Variants in ACSBG2 observed in about 807,000 individuals in gnomAD.
ACSBG2 encodes acyl-CoA synthetase bubblegum family member 2, also known as long-chain-fatty-acid--CoA ligase ACSBG2.
Under a neutral mutation model 74.7 loss-of-function variants are expected in ACSBG2, and 62 were observed. The ratio of observed to expected loss-of-function variants is 0.83; its 90% CI spans 0.68 to 1.03. ACSBG2 has a LOEUF of 1.03. Among genes scored for constraint, ACSBG2 ranks in the 50% least tolerant of loss-of-function variants. The probability of loss-of-function intolerance (pLI) is 0.00; values close to 1 mark genes in which losing one functional copy is unlikely to be tolerated. For missense variants in ACSBG2, 730 were observed against 817.6 expected, an observed-to-expected ratio of 0.89 and a Z score of 1.31; for synonymous variants, 309 against 294.1, an observed-to-expected ratio of 1.05 and a Z score of -0.52.
intron 3 of ACSBG2, among the ~76,000 whole-genome samples, chr19:6,149,504 C>A (rs1279319505): frequency 7.8e-6 from 1 of 127,938 alleles, no homozygotes; most frequent in African/African-American, 3.0e-5. Context: ...ACATGTGCAA[C>A]TTTTTTTTTT....
chr19:6,151,101 G>A (rs557280631), intron 3 of ACSBG2, among the ~76,000 whole-genome samples: 5 of 143,922 alleles, frequency 3.5e-5, no homozygotes, highest in African/African-American at 1.0e-4. Flanking sequence ...GCAACAGAGT[G>A]AGACTCTGTC....
In ACSBG2 at chr19:6,183,179, T is replaced by C. The variant is rs1240400256; in HGVS notation, c.1229T>C (p.Leu410Pro). The C allele has an allele frequency of 1.2e-6, 2 of 1,614,118 alleles. No homozygotes were observed. The highest frequency in any genetic ancestry group is 2.2e-5 in the East Asian group (1 of 44,896). Residue 410 changes from leucine to proline, a missense_variant, in exon 10 of 15, where the codon CTA (leucine) becomes CCA (proline). Transcript: ENST00000588485. ...AACCAAGAGACTGCCGAGTTCTTTC[T>C]AAGCTTGGACATACCTATAGGCGAG... is the stretch of plus-strand genomic sequence containing the variant. The part of the protein sequence containing the change: ...PLNQETAEFF[L>P]SLDIPIGELY...
intron 1 of ACSBG2, among the ~76,000 whole-genome samples, chr19:6,140,414 T>C (rs1289326846): frequency 6.6e-6 from 1 of 152,132 alleles, no homozygotes; most frequent in Non-Finnish European, 1.5e-5. Context: ...GCGCAATGGC[T>C]TACGCCTGTA....
At chr19:6,164,219 C>T (rs1025372917) in intron 6 of ACSBG2, among the ~76,000 whole-genome samples, 2 of 152,108 alleles carry the variant, frequency 1.3e-5, no homozygotes, top group Admixed American at 1.3e-4. Flanking sequence ...GGTCTTCTAC[C>T]GGCCTTTGAA....
At chr19:6,150,281 G>C (rs983485275) in intron 3 of ACSBG2, among the ~76,000 whole-genome samples, 2 of 112,116 alleles carry the variant, frequency 1.8e-5, no homozygotes, top group African/African-American at 3.4e-5. Context: ...TCTAAAAAAA[G>C]AAAAAATGTA....
intron 2 of ACSBG2, among the ~76,000 whole-genome samples, chr19:6,144,472 C>T (rs1209310123): frequency 2.0e-5 from 3 of 152,154 alleles, no homozygotes; most frequent in Admixed American, 6.5e-5. Flanking sequence ...CAAGGATTGC[C>T]GGCAACCGCA....
In ACSBG2 at chr19:6,185,643, C is replaced by T. The variant is rs1353501718; in HGVS notation, c.1530C>T (p.Gly510=). The change falls in exon 11 of 15, where the codon GGC becomes GGT. Residue 510 remains glycine, a synonymous_variant. Transcript: ENST00000588485. ...LDGLGFLYVT[G]HIKEILITAG... ...GTCTGGGTTTCCTCTATGTCACCGG[C>T]CACATCAAAGGTACCAGGGGCTGAG... 6.2e-7 allele frequency: 1 copy of T among 1,614,154 alleles called. No individual in the cohort carries two copies. Among genetic ancestry groups the T allele is most frequent in the South Asian group, 1.1e-5 (1 of 91,082 alleles).
chr19:6,185,072 AC>A (rs2090369151), intron 10 of ACSBG2, among the ~76,000 whole-genome samples: 1 of 151,830 alleles, frequency 6.6e-6, no homozygotes. Flanking sequence ...ACAGGTATGT[AC>A]CACCATGCCC....
At chr19:6,179,295 T>A (rs199554893) in intron 8 of ACSBG2, among the ~76,000 whole-genome samples, 5,233 of 132,158 alleles carry the variant, frequency 0.04, 138 homozygotes, top group African/African-American at 0.1. Context: ...TTTTCTAAAT[T>A]TTTTTTTTTT....
At chr19:6,186,763 G>A (rs1023855894) in intron 11 of ACSBG2, among the ~76,000 whole-genome samples, 2 of 151,792 alleles carry the variant, frequency 1.3e-5, no homozygotes, top group East Asian at 3.9e-4. Flanking sequence ...GGAATGCAGT[G>A]GTCCAATTAT....
At chr19:6,141,907 T>C (rs1194184365) in intron 2 of ACSBG2, among the ~76,000 whole-genome samples, 1 of 152,116 alleles carries the variant, frequency 6.6e-6, no homozygotes, top group African/African-American at 2.4e-5. Flanking sequence ...CTCTGTATTT[T>C]TTTTGTAGAG....
rs763617416 is a variant in ACSBG2, at chr19:6,187,649, G to A, written c.1731G>A (p.Glu577=). The A allele has an allele frequency of 8.1e-6, 13 of 1,613,978 alleles. No homozygotes were observed. In the South Asian group the frequency reaches 1.2e-4, roughly 15 times the overall value. ...SGEPLDKLNF[E]AINFCRGLGS... is the part of the protein sequence containing the mutation. The stretch of plus-strand genomic sequence containing the variant: ...AACCTCTGGACAAGCTGAACTTCGA[G>A]GCCATCAACTTCTGTCGGGGTCTGG... The change falls in exon 13 of 15, where the codon GAG becomes GAA. Residue 577 remains glutamate (E), a synonymous_variant. Transcript: ENST00000588485.
At chr19:6,145,543 T>G (rs1174987047) in intron 2 of ACSBG2, among the ~76,000 whole-genome samples, 2 of 152,086 alleles carry the variant, frequency 1.3e-5, no homozygotes, top group African/African-American at 4.8e-5. Flanking sequence ...CCAGGTTCAG[T>G]TGAACAAACG....
At position 6,187,778 on chromosome 19, in the gene ACSBG2, C is replaced by T; in HGVS notation, c.1860C>T (p.Asn620=). 1 of 1,614,172 alleles carries T rather than the reference C, an allele frequency of 6.2e-7. No homozygotes were observed. The highest frequency in any genetic ancestry group is 8.5e-7 in the Non-Finnish European group (1 of 1,180,030). Residue 620 remains asparagine (N), a synonymous_variant, in exon 13 of 15, where the codon AAC becomes AAT. Coordinates refer to ENST00000588485, the MANE Select transcript of ACSBG2 (RefSeq NM_030924.5). ...GINAVNQEAM[N]NAQRIEKWVI... ...ATGCTGTGAACCAGGAAGCCATGAA[C>T]AATGCACAGAGGATTGAAAAGTGGG... is the stretch of plus-strand genomic sequence containing the variant.
chr19:6,139,119 GCT>G lies in ACSBG2; in HGVS notation c.-31-2391_-31-2390del, dbSNP rs2088719433. ...TTTTTTTTTTTTGAGATACAGTTTT[GCT>G]CTGTCACCCAGGCTGGAGTCCAATG... On this transcript the variant is annotated intron_variant, in intron 1 of 14. Transcript: ENST00000588485. 1.4e-5 allele frequency among the ~76,000 whole-genome samples: 2 copies of G among 140,782 alleles called. 1 individual carries two copies. The highest frequency in any genetic ancestry group is 1.4e-4 in the Admixed American group (2 of 13,828). The allele number at this position is 140,782 out of a possible 152,430, so 92.4% of individuals were successfully genotyped here.
At chr19:6,186,647 G>A (rs1040977894) in intron 11 of ACSBG2, among the ~76,000 whole-genome samples, 1 of 152,208 alleles carries the variant, frequency 6.6e-6, no homozygotes. Flanking sequence ...CTGGATCTGG[G>A]TGCCAAAATG....
intron 6 of ACSBG2, among the ~76,000 whole-genome samples, chr19:6,162,464 G>T (rs1246996404): frequency 6.7e-6 from 1 of 149,282 alleles, no homozygotes; most frequent in African/African-American, 2.5e-5. Flanking sequence ...CTACTCGGGA[G>T]GCTGAGACAG....
chr19:6,178,258 A>T (rs2090142684), intron 8 of ACSBG2, among the ~76,000 whole-genome samples: 1 of 151,990 alleles, frequency 6.6e-6, no homozygotes. Context: ...TGTTTTTCCC[A>T]GAATTAAGTT....
chr19:6,147,133 C>G (rs987302685), intron 2 of ACSBG2, among the ~76,000 whole-genome samples: 5 of 151,864 alleles, frequency 3.3e-5, no homozygotes, highest in Non-Finnish European at 4.4e-5. Flanking sequence ...AAAAAATGGA[C>G]ATAACAAAGA....
Sources: allele counts gnomAD v4.1 joint callset (sites outside exome capture counted in the v4.1 genomes callset), GRCh38; gene constraint gnomAD v4.1.1; transcripts MANE v1.5; gene names NCBI Gene and HGNC (gene_info 2026-07-23, HGNC 2026-07-21).